Variants in PAQR5 observed in about 807,000 individuals in gnomAD.
PAQR5 encodes the protein progestin and adipoQ receptor family member 5.
A neutral mutation model predicts 34.5 loss-of-function variants in PAQR5; 20 were observed. The ratio of observed to expected loss-of-function variants is 0.58; its 90% CI spans 0.41 to 0.84. The LOEUF (loss-of-function observed/expected upper bound fraction) is 0.84. PAQR5 is among the 40% of genes least tolerant of loss of function. The pLI, the probability that PAQR5 is intolerant of heterozygous loss-of-function variation, is 0.00. For synonymous variants in PAQR5, 131 were observed against 155.6 expected, an observed-to-expected ratio of 0.84 and a Z score of 1.18; for missense variants, 378 against 412.7, an observed-to-expected ratio of 0.92 and a Z score of 0.73.
At chr15:69,359,651 C>T (rs1031002028) in intron 2 of PAQR5, among the ~76,000 whole-genome samples, 1 of 152,058 alleles carries the variant, frequency 6.6e-6, no homozygotes, top group African/African-American at 2.4e-5. Flanking sequence ...CTACCAGGCC[C>T]AGGGTGTGGT....
At chr15:69,365,495 C>T (rs1480784350) in intron 3 of PAQR5, among the ~76,000 whole-genome samples, 1 of 152,182 alleles carries the variant, frequency 6.6e-6, no homozygotes, top group African/African-American at 2.4e-5. Context: ...TGTGGTGATA[C>T]ACTGATTAAT....
rs148616175 is a variant in PAQR5, at chr15:69,338,898, C to A, written c.-116+1397C>A. ...ACCTCCTTCTTGCCTGGGGACTAGA[C>A]TAACATTAGCCAAAGGATTAGAAAT... On this transcript the variant is annotated intron_variant, in intron 2 of 8. Coordinates refer to ENST00000395407, the MANE Select transcript of PAQR5 (RefSeq NM_017705.4). Among the ~76,000 whole-genome samples, 8 of 152,324 alleles carry A rather than the reference C, an allele frequency of 5.3e-5. No individual in the cohort carries two copies. The East Asian group carries it at 1.5e-3, about 29-fold the overall frequency.
At chr15:69,333,523 A>T (rs2054438673) in intron 1 of PAQR5, among the ~76,000 whole-genome samples, 1 of 152,116 alleles carries the variant, frequency 6.6e-6, no homozygotes, top group African/African-American at 2.4e-5. Flanking sequence ...AGGCGTCCCC[A>T]CCCCGCACTG....
Position 69,403,607 on chromosome 15 carries a change from T to G in PAQR5, c.778T>G (p.Cys260Gly). Residue 260 changes from cysteine to glycine, a missense_variant, in exon 9 of 9, where the codon TGT becomes GGT. By Grantham distance (159) the Cys-to-Gly change is radical. Transcript: ENST00000395407. Reference sequence around the variant, plus strand: ...TCACAGTCACCAGCTGTTTCACGTGTGTGTGATCCTGGCCACGCACATGCA... The same window carrying G: ...TCACAGTCACCAGCTGTTTCACGTGGGTGTGATCCTGGCCACGCACATGCA... Reference protein sequence around the residue: ...IGHSHQLFHVCVILATHMQME... With the variant: ...IGHSHQLFHVGVILATHMQME... 1 of 1,614,144 alleles carries G rather than the reference T, an allele frequency of 6.2e-7. No homozygotes were observed. The highest frequency in any genetic ancestry group is 1.3e-5 in the African/African-American group (1 of 75,034).
chr15:69,317,915 C>T (rs1327119279), intron 1 of PAQR5, among the ~76,000 whole-genome samples: 12 of 152,196 alleles, frequency 7.9e-5, no homozygotes, highest in Non-Finnish European at 1.5e-4. Flanking sequence ...TCGTTCCCTT[C>T]TCTGCCAAAG....
intron 2 of PAQR5, among the ~76,000 whole-genome samples, chr15:69,354,769 A>G (rs1232264247): frequency 6.6e-6 from 1 of 152,126 alleles, no homozygotes; most frequent in Non-Finnish European, 1.5e-5. Context: ...TCGGGTTGTA[A>G]GTCCATGGAC....
At chr15:69,328,322 A>G (rs181537687) in intron 1 of PAQR5, among the ~76,000 whole-genome samples, 1 of 152,382 alleles carries the variant, frequency 6.6e-6, no homozygotes, top group Non-Finnish European at 1.5e-5. Flanking sequence ...TGAGAAGGCT[A>G]AGACCAAGGC....
chr15:69,391,569 G>A (rs2056273234), intron 6 of PAQR5: 1 of 437,772 alleles, frequency 2.3e-6, no homozygotes, highest in African/African-American at 2.0e-5. Context: ...CTGGGTGCAT[G>A]GGCTTGTGGA....
chr15:69,350,181 A>G (rs1039243875), intron 2 of PAQR5, among the ~76,000 whole-genome samples: 1 of 152,210 alleles, frequency 6.6e-6, no homozygotes, highest in African/African-American at 2.4e-5. Context: ...CAAAGTGGGT[A>G]TAGTTATGGT....
At chr15:69,394,528 G>C (rs558379749) in intron 6 of PAQR5, among the ~76,000 whole-genome samples, 3 of 152,242 alleles carry the variant, frequency 2.0e-5, no homozygotes, top group African/African-American at 7.2e-5. Flanking sequence ...TCAAGCCCTA[G>C]TTCCGGAATT....
At chr15:69,384,147 G>GT (rs2056024501) in intron 4 of PAQR5, among the ~76,000 whole-genome samples, 1 of 138,142 alleles carries the variant, frequency 7.2e-6, no homozygotes. Flanking sequence ...GGGTGAGTGG[G>GT]CCTCTGTGCT....
At chr15:69,374,261 T>C (rs746421333) in intron 3 of PAQR5, among the ~76,000 whole-genome samples, 2 of 152,218 alleles carry the variant, frequency 1.3e-5, no homozygotes, top group African/African-American at 2.4e-5. Context: ...TATGCTCTTT[T>C]AATTGAGAGC....
At chr15:69,328,073 A>G (rs1011180530) in intron 1 of PAQR5, among the ~76,000 whole-genome samples, 11 of 152,136 alleles carry the variant, frequency 7.2e-5, no homozygotes, top group African/African-American at 2.4e-4. Flanking sequence ...GAGCCACCAC[A>G]CCCAGCCAAG....
rs1013474817 is a variant in PAQR5, at chr15:69,405,172, G to A, written c.*1350G>A. 1.5e-5 allele frequency: 6 copies of A among 391,992 alleles called. No homozygotes were observed. Among genetic ancestry groups the A allele is most frequent in the Admixed American group, 4.4e-5 (1 of 22,528 alleles). 24.3% of individuals were successfully genotyped at this position (391,992 alleles called of 1,614,324 possible). On this transcript the variant is annotated 3_prime_UTR_variant, in exon 9 of 9. Coordinates refer to ENST00000395407, the MANE Select transcript of PAQR5 (RefSeq NM_017705.4). ...GTGTTTTCAGGGAACACAGAAATGC[G>A]GATGCAAAACAACTTTTGACAGAGG...
chr15:69,322,923 G>T (rs937992492), intron 1 of PAQR5, among the ~76,000 whole-genome samples: 1 of 149,618 alleles, frequency 6.7e-6, no homozygotes. Flanking sequence ...CACAAAGAGC[G>T]CATGGGGGTG....
Position 69,404,616 on chromosome 15 carries a change from T to G in PAQR5, c.*794T>G. On this transcript the variant is annotated 3_prime_UTR_variant, in exon 9 of 9. Coordinates refer to ENST00000395407, the MANE Select transcript of PAQR5 (RefSeq NM_017705.4). Reference sequence around the variant, plus strand: ...TAAGAGTTGACTGAGTTAATCCCAATTGGTTGTGCTCATATGCCACCTTTT... The same window carrying G: ...TAAGAGTTGACTGAGTTAATCCCAAGTGGTTGTGCTCATATGCCACCTTTT... The G allele has an allele frequency of 4.4e-6, 1 of 229,126 alleles. No homozygotes were observed. The highest frequency in any genetic ancestry group is 8.4e-6 in the Non-Finnish European group (1 of 118,842). 14.2% of individuals were successfully genotyped at this position (229,126 alleles called of 1,614,324 possible). A position where few individuals can be genotyped will look rare whatever the true frequency, so the allele number is the denominator to read the frequency against.
At chr15:69,396,071 G>C (rs1016248413) in intron 6 of PAQR5, among the ~76,000 whole-genome samples, 1 of 151,658 alleles carries the variant, frequency 6.6e-6, no homozygotes, top group Non-Finnish European at 1.5e-5. Flanking sequence ...TTCTGTGCTG[G>C]GTCCCCAGGA....
chr15:69,316,609 G>C (rs926707324), intron 1 of PAQR5, among the ~76,000 whole-genome samples: 5 of 152,144 alleles, frequency 3.3e-5, no homozygotes, highest in Non-Finnish European at 7.3e-5. Context: ...TGTAGCCTGG[G>C]ACAGGCCAGA....
At chr15:69,345,776 T>TA (rs1241646962) in intron 2 of PAQR5, among the ~76,000 whole-genome samples, 4 of 152,180 alleles carry the variant, frequency 2.6e-5, no homozygotes, top group East Asian at 3.9e-4. Context: ...GTATCCTAGG[T>TA]AAAAAAAGAA....
Sources: gnomAD v4.1 joint callset for allele counts (sites outside exome capture counted in the v4.1 genomes callset) on GRCh38, gnomAD v4.1.1 for gene constraint, MANE v1.5 for transcripts, NCBI Gene and HGNC (gene_info 2026-07-23, HGNC 2026-07-21) for gene names.